The following MAP3K20 variants were observed in gnomAD, a reference collection of about 807,000 sequenced individuals.
MAP3K20 encodes HCCS-4.
MAP3K20 carries 40 observed loss-of-function variants against 85.7 expected under a neutral mutation model. The observed-to-expected ratio is 0.47, with a 90% CI of 0.36 to 0.61. MAP3K20 has a LOEUF of 0.61. Ranked by LOEUF, MAP3K20 falls within the 20% of genes least tolerant of loss-of-function variation. The probability of loss-of-function intolerance (pLI) is 0.00; values close to 1 mark genes in which losing one functional copy is unlikely to be tolerated. For missense variants in MAP3K20, 817 were observed against 961.7 expected (o/e 0.85, Z 1.99); for synonymous variants, 325 against 327.7 (o/e 0.99, Z 0.09).
intron 2 of MAP3K20, among the ~76,000 whole-genome samples, chr2:173,165,886 A>G (rs868833333): frequency 8.6e-5 from 13 of 152,042 alleles, no homozygotes; most frequent in African/African-American, 3.1e-4. Flanking sequence ...GCCCAAGCTG[A>G]TCTCAAACTC....
intron 7 of MAP3K20, among the ~76,000 whole-genome samples, chr2:173,192,078 T>C (rs889473843): frequency 2.6e-5 from 3 of 113,980 alleles, no homozygotes; most frequent in Admixed American, 2.3e-4. Context: ...ACTGCCCTGC[T>C]ATTTATACTA....
At chr2:173,153,479 T>G (rs554942622) in intron 2 of MAP3K20, among the ~76,000 whole-genome samples, 1 of 152,330 alleles carries the variant, frequency 6.6e-6, no homozygotes, top group East Asian at 1.9e-4. Context: ...ACTGTTTCCC[T>G]GGTGTTCATC....
At chr2:173,200,358 CT>C (rs1362366138) in intron 8 of MAP3K20, among the ~76,000 whole-genome samples, 1 of 150,788 alleles carries the variant, frequency 6.6e-6, no homozygotes, top group African/African-American at 2.4e-5. Flanking sequence ...AAAATTGAGG[CT>C]TTGACTTAAA....
At chr2:173,216,234 T>C (rs1684067679) in intron 10 of MAP3K20, among the ~76,000 whole-genome samples, 1 of 152,242 alleles carries the variant, frequency 6.6e-6, no homozygotes, top group Admixed American at 6.5e-5. Flanking sequence ...AGTTCCACTT[T>C]CTGTGAAGAA....
At chr2:173,222,063 A>G in intron 11 of MAP3K20, 1 of 946,118 alleles carries the variant, frequency 1.1e-6, no homozygotes, top group Non-Finnish European at 1.3e-6. Flanking sequence ...ACTAGCTGGC[A>G]TGGTAGCACA....
intron 16 of MAP3K20, among the ~76,000 whole-genome samples, chr2:173,251,281 C>T (rs1685036344): frequency 6.6e-6 from 1 of 151,892 alleles, no homozygotes; most frequent in Admixed American, 6.5e-5. Flanking sequence ...GCCTTTTTTG[C>T]TGAAACCCTG....
At chr2:173,242,608 C>T (rs574932512) in intron 16 of MAP3K20, among the ~76,000 whole-genome samples, 9 of 150,708 alleles carry the variant, frequency 6.0e-5, no homozygotes, top group Non-Finnish European at 1.3e-4. Flanking sequence ...ATGATGTAGA[C>T]TTCTTGAGTC....
At chr2:173,169,754 C>A in intron 2 of MAP3K20, 51 bp from the exon 3 acceptor site, 2 of 1,549,506 alleles carry the variant, frequency 1.3e-6, no homozygotes, top group African/African-American at 1.4e-5. Context: ...TTTTATTTGA[C>A]TATTATAAAT....
intron 2 of MAP3K20, among the ~76,000 whole-genome samples, chr2:173,163,180 A>C (rs192383129): frequency 1.6e-4 from 24 of 152,292 alleles, no homozygotes; most frequent in African/African-American, 5.5e-4. Context: ...ACATGGGTAA[A>C]TTGTGTGTCA....
intron 3 of MAP3K20, among the ~76,000 whole-genome samples, chr2:173,176,473 G>C (rs1574080484): frequency 6.6e-6 from 1 of 152,086 alleles, no homozygotes; most frequent in Non-Finnish European, 1.5e-5. Context: ...ATTGTAATTA[G>C]ATTAGTATTA....
intron 2 of MAP3K20, among the ~76,000 whole-genome samples, chr2:173,157,607 GT>G (rs1336125282): frequency 6.6e-6 from 1 of 152,294 alleles, no homozygotes; most frequent in East Asian, 1.9e-4. Flanking sequence ...ATCAAACTCT[GT>G]TTCACTGGAG....
At chr2:173,208,330 C>T (rs1364341707) in intron 9 of MAP3K20, among the ~76,000 whole-genome samples, 1 of 150,306 alleles carries the variant, frequency 6.7e-6, no homozygotes, top group Non-Finnish European at 1.5e-5. Flanking sequence ...CCCAGGTGGT[C>T]GAGGCTGCAG....
chr2:173,099,154 A>G (rs180775038), intron 2 of MAP3K20, among the ~76,000 whole-genome samples: 5 of 152,286 alleles, frequency 3.3e-5, no homozygotes, highest in Admixed American at 2.6e-4. Context: ...ACCTATGCAC[A>G]TAATAAACTG....
intron 16 of MAP3K20, among the ~76,000 whole-genome samples, chr2:173,257,236 C>T (rs1178053890): frequency 3.9e-5 from 6 of 152,100 alleles, no homozygotes; most frequent in African/African-American, 1.2e-4. Flanking sequence ...TATATATTCA[C>T]TAAGTTTTGA....
Position 173,209,843 on chromosome 2 carries a change from G to T in MAP3K20, c.851+8G>T. On this transcript the variant is annotated splice_region_variant and intron_variant, in intron 10 of 19. Coordinates refer to ENST00000375213, the MANE Select transcript of MAP3K20 (RefSeq NM_016653.3). The stretch of plus-strand genomic sequence containing the variant: ...CAACAAGGCGGAGTGGAGGTGGGTA[G>T]CCCCGACAGCAGGCCACAGCGTCTG... 6.2e-7 allele frequency: 1 copy of T among 1,611,828 alleles called. No homozygotes were observed. The highest frequency in any genetic ancestry group is 8.5e-7 in the Non-Finnish European group (1 of 1,177,996).
At chr2:173,180,360 T>C (rs907653544) in intron 3 of MAP3K20, among the ~76,000 whole-genome samples, 1 of 152,166 alleles carries the variant, frequency 6.6e-6, no homozygotes, top group African/African-American at 2.4e-5. Context: ...CAGCCTTTGA[T>C]TGCTGAGACA....
intron 8 of MAP3K20, among the ~76,000 whole-genome samples, chr2:173,202,007 G>C (rs771724627): frequency 2.0e-4 from 31 of 152,134 alleles, no homozygotes; most frequent in Non-Finnish European, 4.1e-4. Context: ...AGACACAGTT[G>C]TACTGAAAAA....
chr2:173,180,889 T>C (rs1559266268), intron 3 of MAP3K20, among the ~76,000 whole-genome samples: 1 of 152,032 alleles, frequency 6.6e-6, no homozygotes, highest in African/African-American at 2.4e-5. Context: ...AATTGAGAAA[T>C]TGGAATTTAT....
chr2:173,107,867 G>T (rs574433411), intron 2 of MAP3K20, among the ~76,000 whole-genome samples: 116 of 152,262 alleles, frequency 7.6e-4, no homozygotes, highest in African/African-American at 2.3e-3. Context: ...GGCGGTTAGG[G>T]CTATGATTTC....
Sources: gnomAD v4.1 joint callset for allele counts (sites outside exome capture counted in the v4.1 genomes callset) on GRCh38, gnomAD v4.1.1 for gene constraint, MANE v1.5 for transcripts, NCBI Gene and HGNC (gene_info 2026-07-23, HGNC 2026-07-21) for gene names.